TBC1D17: variants seen among roughly 807,000 people sequenced by gnomAD.
TBC1D17 encodes TBC1 domain family, member 17.
In TBC1D17, 69 loss-of-function variants were observed where a neutral mutation model predicts 78.8. The observed-to-expected ratio is 0.88, with a 90% CI of 0.72 to 1.07. The LOEUF is 1.07. Among genes scored for constraint, TBC1D17 ranks in the 50% least tolerant of loss-of-function variants. TBC1D17 has a pLI of 0.00. For missense variants in TBC1D17, 957 were observed against 861.0 expected, an observed-to-expected ratio of 1.11 and a Z score of -1.39; for synonymous variants, 456 against 358.3, an observed-to-expected ratio of 1.27 and a Z score of -3.08.
chr19:49,888,494 C>T lies in TBC1D17; in HGVS notation c.1817C>T (p.Thr606Ile). ...GCAGAGCCCCACAGCCCCTCGCCCA[C>T]CGCCTCCCCGCTGCCTCTGTCGCCC... ...PPAEPHSPSP[T>I]ASPLPLSPTR... Residue 606 changes from threonine to isoleucine, a missense_variant, in exon 17 of 17, where the codon ACC becomes ATC. By Grantham distance (89) the Thr-to-Ile change is moderately conservative (BLOSUM62 -1). Transcript: ENST00000221543. The T allele has an allele frequency of 6.3e-7, 1 of 1,575,234 alleles. No homozygotes were observed.
At position 49,884,547 on chromosome 19, in the gene TBC1D17, C is replaced by T; in HGVS notation, c.1332C>T (p.Phe444=). 1 of 1,614,186 alleles carries T rather than the reference C, an allele frequency of 6.2e-7. No homozygotes were observed. Among genetic ancestry groups the T allele is most frequent in the Non-Finnish European group, 8.5e-7 (1 of 1,180,026 alleles). ...EVDAFWCFCG[F]MELVQGNFEE... is the part of the protein sequence containing the mutation. ...ATGCTTTCTGGTGTTTCTGTGGCTT[C>T]ATGGAGCTCGTGGTGAGGCTTGGGT... The change falls in exon 12 of 17, where the codon TTC becomes TTT. Residue 444 remains phenylalanine, a synonymous_variant. Transcript: ENST00000221543.
chr19:49,880,755 C>T (rs935943086), intron 4 of TBC1D17, among the ~76,000 whole-genome samples: 5 of 152,198 alleles, frequency 3.3e-5, no homozygotes, highest in Non-Finnish European at 5.9e-5. Context: ...CAGGGGACAT[C>T]CAGAGAAGGC....
At position 49,877,731 on chromosome 19, in the gene TBC1D17, G is replaced by C. The variant is rs752308773; in HGVS notation, c.8G>C (p.Gly3Ala). Reference protein sequence around the residue: MEGAGYRVVFEKG... With the variant: MEAAGYRVVFEKG... The stretch of plus-strand genomic sequence containing the variant: ...GGGCCTTCGGCGGCGACTATGGAAG[G>C]AGCCGGCTACAGGGTAAGCACTGAG... The change falls in exon 1 of 17, where the codon GGA becomes GCA. Residue 3 changes from glycine (G) to alanine (A), a missense_variant. Physicochemically the swap from Gly to Ala is moderately conservative, Grantham distance 60 (BLOSUM62 0). Transcript: ENST00000221543. The C allele has an allele frequency of 1.9e-6, 3 of 1,599,578 alleles. No homozygotes were observed. The highest frequency in any genetic ancestry group is 2.7e-5 in the African/African-American group (2 of 74,954).
chr19:49,885,704 G>A (rs1450278393), intron 13 of TBC1D17, among the ~76,000 whole-genome samples: 1 of 151,716 alleles, frequency 6.6e-6, no homozygotes, highest in Non-Finnish European at 1.5e-5. Context: ...TGTCATCCTG[G>A]GATCACGCCT....
At chr19:49,881,789 C>T (rs2075016033) in intron 5 of TBC1D17, among the ~76,000 whole-genome samples, 1 of 152,204 alleles carries the variant, frequency 6.6e-6, no homozygotes, top group South Asian at 2.1e-4. Flanking sequence ...CCCAGAGCTG[C>T]TTCTCATTGG....
At position 49,884,335 on chromosome 19, in the gene TBC1D17, C is replaced by T. The variant is rs763995008; in HGVS notation, c.1209C>T (p.Ile403=). ...CGGGGCTGGGCCTGCTGAACGATATCCTCCTCACCTACTGCATGTATCACT... is the reference window on the plus strand; with the variant it reads ...CGGGGCTGGGCCTGCTGAACGATATTCTCCTCACCTACTGCATGTATCACT... ...ENPGLGLLND[I]LLTYCMYHFD... is the part of the protein sequence containing the mutation. The change falls in exon 11 of 17, where the codon ATC becomes ATT. Residue 403 remains isoleucine, a synonymous_variant. Transcript: ENST00000221543. 1.2e-6 allele frequency: 2 copies of T among 1,614,062 alleles called. No homozygotes were observed.
At chr19:49,881,238 G>A (rs770145115) in intron 4 of TBC1D17, 30 bp from the exon 5 acceptor site, 31 of 1,587,388 alleles carry the variant, frequency 2.0e-5, no homozygotes, top group Non-Finnish European at 2.5e-5. Context: ...CTTCCCACGC[G>A]CTTCCCCCAA....
At chr19:49,881,618 G>C in intron 5 of TBC1D17, 143 bp downstream of exon 5, 2 of 815,122 alleles carry the variant, frequency 2.5e-6, no homozygotes, top group Non-Finnish European at 3.8e-6. Context: ...TAACTAAAAA[G>C]TCAAAAAGGA....
chr19:49,879,566 C>T (rs1349736529), intron 3 of TBC1D17: 10 of 151,756 alleles, frequency 6.6e-5, no homozygotes. Context: ...GCAAAGAAAC[C>T]TGGGAAATGT....
Position 49,878,251 on chromosome 19 carries a change from G to A in TBC1D17, c.120+10G>A, listed in dbSNP as rs371372629. ...CCGTGTCGTGGAAAAGGTGCGCTGG[G>A]AGGGAGCAGGGCTCGGACCCGCTCC... On this transcript the variant is annotated intron_variant, in intron 2 of 16. Transcript: ENST00000221543. 22 of 1,554,646 alleles carry A rather than the reference G, an allele frequency of 1.4e-5. No homozygotes were observed. Among genetic ancestry groups the A allele is most frequent in the Non-Finnish European group, 1.8e-5 (21 of 1,148,802 alleles).
At position 49,884,452 on chromosome 19, in the gene TBC1D17, C is replaced by T; in HGVS notation, c.1244-7C>T. On this transcript the variant is annotated splice_polypyrimidine_tract_variant and splice_region_variant and intron_variant, in intron 11 of 16. Transcript: ENST00000221543. ...CTTGGCTGCAGCCTGACCCCATGTC[C>T]CCCCAGGCTACGTCCAGGGCATGAG... 1 of 1,613,868 alleles carries T rather than the reference C, an allele frequency of 6.2e-7. No homozygotes were observed. Among genetic ancestry groups the T allele is most frequent in the East Asian group, 2.2e-5 (1 of 44,880 alleles).
chr19:49,884,737 C>G lies in TBC1D17; in HGVS notation c.1423C>G (p.Pro475Ala), dbSNP rs753509322. 1.9e-6 allele frequency: 3 copies of G among 1,613,802 alleles called. No homozygotes were observed. Among genetic ancestry groups the G allele is most frequent in the Non-Finnish European group, 2.5e-6 (3 of 1,180,030 alleles). The change falls in exon 13 of 17, where the codon CCC becomes GCC. Residue 475 changes from proline (P) to alanine (A), a missense_variant. By Grantham distance (27) the Pro-to-Ala change is conservative (BLOSUM62 -1). Coordinates refer to ENST00000221543, the MANE Select transcript of TBC1D17 (RefSeq NM_024682.3). ...RLLLLLRVLD[P>A]LLCDFLDSQD... ...GCTGCTGCTCCTGAGGGTGCTGGAC[C>G]CCCTGCTCTGCGACTTCCTGGGTAT...
At chr19:49,878,722 G>C in intron 3 of TBC1D17, 150 bp downstream of exon 3, 1 of 680,406 alleles carries the variant, frequency 1.5e-6, no homozygotes, top group Non-Finnish European at 2.5e-6. Context: ...CTCTCCTTTT[G>C]CTCCTCTCTG....
chr19:49,881,957 G>A, intron 5 of TBC1D17, 84 bp from the exon 6 acceptor site: 1 of 1,233,224 alleles, frequency 8.1e-7, no homozygotes, highest in African/African-American at 1.5e-5. Flanking sequence ...GCTGCAGCTG[G>A]AACCGATGTC....
intron 15 of TBC1D17, 86 bp downstream of exon 15, chr19:49,887,920 G>A (rs1025802372): frequency 5.9e-6 from 7 of 1,195,070 alleles, no homozygotes; most frequent in Admixed American, 4.8e-5. Context: ...CAGGTGTTTA[G>A]TGTGGGATTA....
chr19:49,878,717 C>T (rs564659917), intron 3 of TBC1D17, 145 bp downstream of exon 3: 10 of 696,334 alleles, frequency 1.4e-5, no homozygotes, highest in African/African-American at 1.2e-4. Context: ...TCTGCCTCTC[C>T]TTTTGCTCCT....
rs969345118 is a variant in TBC1D17, at chr19:49,882,249, T to C, written c.647T>C (p.Leu216Pro). The C allele has an allele frequency of 6.2e-7, 1 of 1,612,118 alleles. No individual in the cohort carries two copies. Among genetic ancestry groups the C allele is most frequent in the Non-Finnish European group, 8.5e-7 (1 of 1,179,974 alleles). ...CTTTGGCCTCGTCCCCAGCGCTTCC[T>C]CCAGGATCCCTACTCCACCACCTTC... ...QDSSNVVSRF[L>P]QDPYSTTFSS... Residue 216 changes from leucine to proline, a missense_variant, in exon 7 of 17, where the codon CTC (leucine) becomes CCC (proline). Leu to Pro is a moderately conservative substitution (Grantham distance 98, BLOSUM62 -3). Coordinates refer to ENST00000221543, the MANE Select transcript of TBC1D17 (RefSeq NM_024682.3).
In TBC1D17 at chr19:49,887,545, C is replaced by T. The variant is rs752199101; in HGVS notation, c.1514C>T (p.Pro505Leu). Residue 505 changes from proline (P) to leucine (L), a missense_variant, in exon 14 of 17, where the codon CCC becomes CTC. Transcript: ENST00000221543. ...CTCATCTGGTTCAAGAGGGAATTCC[C>T]CTTCCCGGATGTCCTTCGGCTGTGG... ...WLLIWFKREF[P>L]FPDVLRLWEV... is the part of the protein sequence containing the mutation. 2 of 1,614,204 alleles carry T rather than the reference C, an allele frequency of 1.2e-6. No individual in the cohort carries two copies. Among genetic ancestry groups the T allele is most frequent in the African/African-American group, 1.3e-5 (1 of 75,068 alleles).
chr19:49,882,889 G>T lies in TBC1D17; in HGVS notation c.924G>T (p.Ser308=), dbSNP rs552952128. The T allele has an allele frequency of 6.2e-7, 1 of 1,605,984 alleles. No individual in the cohort carries two copies. The highest frequency in any genetic ancestry group is 8.5e-7 in the Non-Finnish European group (1 of 1,176,660). Residue 308 remains serine (S), a synonymous_variant, in exon 8 of 17, where the codon TCG becomes TCT. Transcript: ENST00000221543. ...CTGAGCTGAAGAACCGGATCTTCTC[G>T]GGGGTGAGTGCCAGGACAGGTGGAA... ...QVPELKNRIF[S]GGLSPSLRRE...
Sources: gnomAD v4.1 joint callset for allele counts (sites outside exome capture counted in the v4.1 genomes callset) on GRCh38, gnomAD v4.1.1 for gene constraint, MANE v1.5 for transcripts, NCBI Gene and HGNC (gene_info 2026-07-23, HGNC 2026-07-21) for gene names.